Variants in WWOX observed in about 807,000 individuals in gnomAD.
The protein encoded by WWOX is WW domain-containing oxidoreductase.
Under a neutral mutation model 46.2 loss-of-function variants are expected in WWOX, and 69 were observed. The observed-to-expected ratio is 1.49, with a 90% CI of 1.23 to 1.82. WWOX has a LOEUF of 1.82. WWOX is among the 40% of genes most tolerant of loss of function. WWOX has a pLI of 0.00. For missense variants in WWOX, 919 were observed against 542.6 expected, an observed-to-expected ratio of 1.69 and a Z score of -6.89; for synonymous variants, 359 against 202.6, an observed-to-expected ratio of 1.77 and a Z score of -6.56.
At chr16:78,758,280 C>G (rs933524593) in intron 8 of WWOX, among the ~76,000 whole-genome samples, 5 of 152,102 alleles carry the variant, frequency 3.3e-5, no homozygotes, top group Admixed American at 6.6e-5. Flanking sequence ...ACTCTAAGCC[C>G]AATGCTTGTG....
At chr16:78,612,452 G>A (rs1195800124) in intron 8 of WWOX, among the ~76,000 whole-genome samples, 1 of 152,172 alleles carries the variant, frequency 6.6e-6, no homozygotes, top group Non-Finnish European at 1.5e-5. Context: ...AGGTGCGGGT[G>A]GCTCTTGGCA....
chr16:78,174,513 C>CT (rs1567612508), intron 5 of WWOX, among the ~76,000 whole-genome samples: 5 of 152,130 alleles, frequency 3.3e-5, no homozygotes, highest in Non-Finnish European at 5.9e-5. Context: ...TACCCCAGCC[C>CT]TCCAAAATTC....
chr16:78,280,942 A>T (rs2079667221), intron 5 of WWOX: 2 of 153,090 alleles, frequency 1.3e-5, no homozygotes, highest in African/African-American at 2.4e-5. Flanking sequence ...AATTATGTTA[A>T]CATCACATGC....
intron 8 of WWOX, among the ~76,000 whole-genome samples, chr16:78,923,834 C>G (rs2045436983): frequency 8.9e-6 from 1 of 112,468 alleles, no homozygotes; most frequent in South Asian, 3.2e-4. Context: ...GAGTCTTGCT[C>G]TGTTGCCCAG....
At chr16:78,505,716 C>A (rs1180248336) in intron 8 of WWOX, among the ~76,000 whole-genome samples, 2 of 135,962 alleles carry the variant, frequency 1.5e-5, no homozygotes, top group Non-Finnish European at 2.9e-5. Flanking sequence ...CTCCCTAGCA[C>A]AGGGAGCATG....
At chr16:78,464,465 C>T (rs1309129150) in intron 8 of WWOX, among the ~76,000 whole-genome samples, 1 of 152,144 alleles carries the variant, frequency 6.6e-6, no homozygotes, top group African/African-American at 2.4e-5. Context: ...GACCAAGTGA[C>T]TGAATACAAA....
chr16:78,934,188 A>G (rs2045685516), intron 8 of WWOX, among the ~76,000 whole-genome samples: 2 of 151,520 alleles, frequency 1.3e-5, no homozygotes, highest in African/African-American at 4.9e-5. Context: ...AGAAAAAGAA[A>G]TTAGCCTGAC....
chr16:78,474,388 A>G (rs2084307249), intron 8 of WWOX, among the ~76,000 whole-genome samples: 1 of 152,200 alleles, frequency 6.6e-6, no homozygotes, highest in African/African-American at 2.4e-5. Context: ...CTCTAAACCG[A>G]TCATCACAGA....
At chr16:78,434,008 C>G (rs540727227) in intron 8 of WWOX, among the ~76,000 whole-genome samples, 1 of 152,006 alleles carries the variant, frequency 6.6e-6, no homozygotes, top group South Asian at 2.1e-4. Context: ...CCGGGATGGT[C>G]TCAATCTCCT....
intron 8 of WWOX, among the ~76,000 whole-genome samples, chr16:78,437,206 TTC>T (rs2083353807): frequency 6.6e-6 from 1 of 152,224 alleles, no homozygotes; most frequent in South Asian, 2.1e-4. Context: ...AACAGCAGTA[TTC>T]TAATATCAAC....
intron 8 of WWOX, among the ~76,000 whole-genome samples, chr16:79,059,352 G>T (rs539643424): frequency 4.9e-4 from 75 of 152,284 alleles, no homozygotes; most frequent in African/African-American, 1.8e-3. Flanking sequence ...TCAACTACCT[G>T]TTCTCAAACA....
At chr16:78,579,457 G>C (rs2044992168) in intron 8 of WWOX, among the ~76,000 whole-genome samples, 1 of 152,124 alleles carries the variant, frequency 6.6e-6, no homozygotes, top group African/African-American at 2.4e-5. Flanking sequence ...GAGGGGAGGA[G>C]CGTGAGTTCC....
intron 8 of WWOX, among the ~76,000 whole-genome samples, chr16:78,931,737 C>T (rs1412345839): frequency 6.6e-6 from 1 of 152,164 alleles, no homozygotes; most frequent in African/African-American, 2.4e-5. Context: ...GACACTTGGG[C>T]AGAAGTTTGA....
chr16:79,074,879 C>A lies in WWOX; in HGVS notation c.1057-136729C>A, dbSNP rs564538001. ...TTGATTTTAGTTTTTAGATACAGAA[C>A]CTTTAAAAAAAAAGAAAAATAAACG... is the stretch of plus-strand genomic sequence containing the variant. On this transcript the variant is annotated intron_variant, in intron 8 of 8. Transcript: ENST00000566780. Among the ~76,000 whole-genome samples the A allele has an allele frequency of 1.4e-4, 11 of 80,042 alleles. No individual in the cohort carries two copies. In the East Asian group the frequency reaches 2.7e-3, roughly 20 times the overall value. The allele number at this position is 80,042 out of a possible 152,430, so 52.5% of individuals were successfully genotyped here.
At chr16:78,573,727 A>T (rs1378523282) in intron 8 of WWOX, among the ~76,000 whole-genome samples, 1 of 152,198 alleles carries the variant, frequency 6.6e-6, no homozygotes, top group Non-Finnish European at 1.5e-5. Context: ...CAAAGCTTTC[A>T]TCAGGTTCAC....
chr16:78,538,942 A>C (rs2043823356), intron 8 of WWOX, among the ~76,000 whole-genome samples: 1 of 152,242 alleles, frequency 6.6e-6, no homozygotes, highest in Non-Finnish European at 1.5e-5. Context: ...CATTACCTGG[A>C]ATAGCTGCTT....
At chr16:78,650,549 G>T in intron 8 of WWOX, among the ~76,000 whole-genome samples, 1 of 152,276 alleles carries the variant, frequency 6.6e-6, no homozygotes, top group Non-Finnish European at 1.5e-5. Context: ...CAGGACACCT[G>T]CCTGCAAATG....
At position 79,131,155 on chromosome 16, in the gene WWOX, C is replaced by G. The variant is rs184522646; in HGVS notation, c.1057-80453C>G. On this transcript the variant is annotated intron_variant, in intron 8 of 8. Coordinates refer to ENST00000566780, the MANE Select transcript of WWOX (RefSeq NM_016373.4). ...TGCCTCCCGGGCCTTCCTTCCCAAG[C>G]AGGGATGAGCTCTCCTCTGCATGTA... is the stretch of plus-strand genomic sequence containing the variant. 3.3e-5 allele frequency among the ~76,000 whole-genome samples: 5 copies of G among 152,258 alleles called. No individual in the cohort carries two copies. The East Asian group carries it at 9.7e-4, about 29-fold the overall frequency.
At chr16:78,319,137 A>C (rs2151881987) in intron 5 of WWOX, among the ~76,000 whole-genome samples, 1 of 152,156 alleles carries the variant, frequency 6.6e-6, no homozygotes, top group East Asian at 1.9e-4. Context: ...CATGAGAAGG[A>C]CACCGCCACA....
Sources: gnomAD v4.1 joint callset for allele counts (sites outside exome capture counted in the v4.1 genomes callset) on GRCh38, gnomAD v4.1.1 for gene constraint, MANE v1.5 for transcripts, NCBI Gene and HGNC (gene_info 2026-07-23, HGNC 2026-07-21) for gene names.